The following FKBP1B variants were observed in gnomAD, a reference collection of about 807,000 sequenced individuals.
The protein encoded by FKBP1B is FKBP prolyl isomerase 1B.
FKBP1B carries 4 observed loss-of-function variants against 13.5 expected under a neutral mutation model. The ratio of observed to expected loss-of-function variants is 0.30; its 90% CI spans 0.15 to 0.68. The LOEUF (loss-of-function observed/expected upper bound fraction) is 0.68, where lower values mean the gene tolerates loss of function less well. Ranked by LOEUF, FKBP1B falls within the 30% of genes least tolerant of loss-of-function variation. FKBP1B has a pLI of 0.76. For missense variants in FKBP1B, 93 were observed against 136.2 expected, an observed-to-expected ratio of 0.68 and a Z score of 1.58; for synonymous variants, 54 against 53.6, an observed-to-expected ratio of 1.01 and a Z score of -0.03.
At chr2:24,041,497 C>T in the FKBP1B span, among the ~76,000 whole-genome samples, 168 of 152,120 alleles carry the variant, frequency 1.1e-3, 1 homozygote, top group East Asian at 0.025. Context: ...TAGGATTTTA[C>T]ATGTTATGGC....
At chr2:24,037,942 A>G in the FKBP1B span, 78 of 1,614,190 alleles carry the variant, frequency 4.8e-5, no homozygotes, top group East Asian at 1.7e-3. Flanking sequence ...TGGCTGGGTA[A>G]CAGGCTCAGC....
Position 24,063,306 on chromosome 2 carries a change from T to C in FKBP1B, c.*114T>C. On this transcript the variant is annotated 3_prime_UTR_variant, in exon 4 of 4. Coordinates refer to ENST00000380986, the MANE Select transcript of FKBP1B (RefSeq NM_004116.5). ...CTCTTGATCAGTGTGCTAACCTCACTGCCTCATGGCATCATCCATTCTCTC... is the reference window on the plus strand; with the variant it reads ...CTCTTGATCAGTGTGCTAACCTCACCGCCTCATGGCATCATCCATTCTCTC... 1 of 984,756 alleles carries C rather than the reference T, an allele frequency of 1.0e-6. No individual in the cohort carries two copies. The highest frequency in any genetic ancestry group is 1.4e-6 in the Non-Finnish European group (1 of 696,426). 61.0% of individuals were successfully genotyped at this position (984,756 alleles called of 1,614,324 possible). A position where few individuals can be genotyped will look rare whatever the true frequency, so the allele number is the denominator to read the frequency against.
At chr2:24,041,024 A>AAAC in the FKBP1B span, among the ~76,000 whole-genome samples, 2 of 151,868 alleles carry the variant, frequency 1.3e-5, no homozygotes, top group African/African-American at 2.4e-5. Flanking sequence ...CTCAAAAAAG[A>AAAC]AACAACAACA....
At position 24,050,145 on chromosome 2, in the gene FKBP1B, C is replaced by T. The variant is rs1663797233; in HGVS notation, c.37+259C>T. On this transcript the variant is annotated intron_variant, in intron 1 of 3. Coordinates refer to ENST00000380986, the MANE Select transcript of FKBP1B (RefSeq NM_004116.5). The surrounding 1 kb of genome is among the most constrained non-coding windows in gnomAD (Gnocchi z 5.8). ...GGCCCGGAGGCGGGGGTCTGCGGCC[C>T]GCCACCGCCCCGGGCTTCTCCTGTC... Among the ~76,000 whole-genome samples, 1 of 152,032 alleles carries T rather than the reference C, an allele frequency of 6.6e-6. No individual in the cohort carries two copies. Among genetic ancestry groups the T allele is most frequent in the South Asian group, 2.1e-4 (1 of 4,824 alleles).
chr2:24,043,305 T>C, the FKBP1B span, among the ~76,000 whole-genome samples: 1 of 152,116 alleles, frequency 6.6e-6, no homozygotes, highest in Non-Finnish European at 1.5e-5. Flanking sequence ...CACTGCACTG[T>C]AGCCTGGACA....
At chr2:24,054,314 C>G in intron 2 of FKBP1B, 2 of 398,204 alleles carry the variant, frequency 5.0e-6, no homozygotes, top group Admixed American at 7.9e-5. Flanking sequence ...TTCTCTCCAT[C>G]CTGCAGTATC....
chr2:24,042,314 G>A, the FKBP1B span, among the ~76,000 whole-genome samples: 1 of 152,016 alleles, frequency 6.6e-6, no homozygotes, highest in Non-Finnish European at 1.5e-5. Flanking sequence ...GAGGCAGGCG[G>A]ATCACGAGGT....
At chr2:24,061,113 C>T (rs1402233694) in intron 3 of FKBP1B, among the ~76,000 whole-genome samples, 187 bp downstream of exon 3, 1 of 152,122 alleles carries the variant, frequency 6.6e-6, no homozygotes, top group African/African-American at 2.4e-5. Flanking sequence ...TGCCAGCATA[C>T]CTCTTTTGTG....
At chr2:24,039,361 TCTCCA>T in the FKBP1B span, 1 of 1,614,186 alleles carries the variant, frequency 6.2e-7, no homozygotes, top group Non-Finnish European at 8.5e-7. Flanking sequence ...AAACTTGACC[TCTCCA>T]CTGTGAAGCC....
At position 24,060,944 on chromosome 2, in the gene FKBP1B, A is replaced by G. The variant is rs372887927; in HGVS notation, c.198+18A>G. 7 of 1,580,152 alleles carry G rather than the reference A, an allele frequency of 4.4e-6. No individual in the cohort carries two copies. Among genetic ancestry groups the G allele is most frequent in the Non-Finnish European group, 6.1e-6 (7 of 1,149,402 alleles). Reference sequence around the variant, plus strand: ...CAGCCCAGGTAGGATGAGGATTCGCATTAAAGGGGATCTGGGGAGTTGGGG... The same window carrying G: ...CAGCCCAGGTAGGATGAGGATTCGCGTTAAAGGGGATCTGGGGAGTTGGGG... On this transcript the variant is annotated intron_variant, in intron 3 of 3. Coordinates refer to ENST00000380986, the MANE Select transcript of FKBP1B (RefSeq NM_004116.5).
chr2:24,062,109 G>A (rs534044068), intron 3 of FKBP1B, among the ~76,000 whole-genome samples: 273 of 152,144 alleles, frequency 1.8e-3, no homozygotes, highest in Non-Finnish European at 3.3e-3. Context: ...CTGACCTCGT[G>A]ATCTGCCCGC....
At chr2:24,035,384 A>G in the FKBP1B span, among the ~76,000 whole-genome samples, 1 of 152,164 alleles carries the variant, frequency 6.6e-6, no homozygotes, top group Non-Finnish European at 1.5e-5. Context: ...ATAAAGAAAT[A>G]AAAATAAAAA....
chr2:24,035,886 C>T, the FKBP1B span, among the ~76,000 whole-genome samples: 16 of 151,222 alleles, frequency 1.1e-4, no homozygotes, highest in East Asian at 1.9e-4. Context: ...CTGGCCAACA[C>T]GGTGAAACCC....
chr2:24,061,061 A>G (rs968833531), intron 3 of FKBP1B, 135 bp downstream of exon 3: 3 of 655,606 alleles, frequency 4.6e-6, no homozygotes, highest in African/African-American at 3.7e-5. Flanking sequence ...TGGCAACGCC[A>G]TCTGGTGTCC....
the FKBP1B span, chr2:24,037,873 C>T: frequency 4.6e-5 from 74 of 1,614,094 alleles, no homozygotes; most frequent in Non-Finnish European, 5.7e-5. Context: ...TTGAGGCAAA[C>T]GAGGAGGCTC....
At chr2:24,042,495 C>T in the FKBP1B span, among the ~76,000 whole-genome samples, 1 of 145,644 alleles carries the variant, frequency 6.9e-6, no homozygotes, top group South Asian at 2.2e-4. Flanking sequence ...GAGATCGCAC[C>T]ACTGCACTCC....
the FKBP1B span, among the ~76,000 whole-genome samples, chr2:24,041,783 G>A: frequency 6.6e-6 from 1 of 151,012 alleles, no homozygotes; most frequent in Non-Finnish European, 1.5e-5. Context: ...AACCTGGGAG[G>A]GGAGGCGGAG....
chr2:24,049,373 A>G (rs1663740897), upstream of FKBP1B, among the ~76,000 whole-genome samples: 1 of 152,050 alleles, frequency 6.6e-6, no homozygotes, highest in Non-Finnish European at 1.5e-5. Context: ...TCTGTCTAAA[A>G]TAAAAATAAA....
chr2:24,036,027 C>T, the FKBP1B span, among the ~76,000 whole-genome samples: 1 of 150,186 alleles, frequency 6.7e-6, no homozygotes, highest in Non-Finnish European at 1.5e-5. Flanking sequence ...TGAGATCGCG[C>T]CACTGCACTC....
Sources: gnomAD v4.1 joint callset for allele counts (sites outside exome capture counted in the v4.1 genomes callset) on GRCh38, gnomAD v4.1.1 for gene constraint, Gnocchi (gnomAD v3.1) non-coding constraint, MANE v1.5 for transcripts, NCBI Gene and HGNC (gene_info 2026-07-23, HGNC 2026-07-21) for gene names.